The following PTPRT variants were observed in gnomAD, a reference collection of about 807,000 sequenced individuals.
PTPRT encodes receptor-type tyrosine-protein phosphatase T.
A neutral mutation model predicts 176.8 loss-of-function variants in PTPRT; 56 were observed. That is an observed-to-expected ratio of 0.32 (90% CI 0.26 to 0.40). PTPRT has a LOEUF of 0.40. Among genes scored for constraint, PTPRT ranks in the 10% least tolerant of loss-of-function variants. The probability of loss-of-function intolerance (pLI) is 1.00; values close to 1 mark genes in which losing one functional copy is unlikely to be tolerated. For missense variants in PTPRT, 1,540 were observed against 1,908.2 expected (o/e 0.81, Z 3.60); for synonymous variants, 783 against 739.0 (o/e 1.06, Z -0.96).
chr20:42,813,289 T>C (rs1371922910), intron 2 of PTPRT, among the ~76,000 whole-genome samples: 1 of 152,168 alleles, frequency 6.6e-6, no homozygotes, highest in Non-Finnish European at 1.5e-5. Context: ...CAATTGTGAA[T>C]AATTTACCTC....
chr20:42,978,930 G>C (rs1157738913), intron 1 of PTPRT, among the ~76,000 whole-genome samples: 3 of 152,154 alleles, frequency 2.0e-5, no homozygotes, highest in African/African-American at 7.2e-5. Flanking sequence ...TGTCTATGGA[G>C]TAGCCGTTCT....
intron 11 of PTPRT, among the ~76,000 whole-genome samples, chr20:42,316,380 C>G (rs1443532948): frequency 2.0e-5 from 3 of 152,174 alleles, no homozygotes; most frequent in African/African-American, 2.4e-5. Context: ...AACAGCCTTA[C>G]AGAAGTCTGT....
chr20:42,126,755 C>T (rs1311835074), intron 19 of PTPRT, among the ~76,000 whole-genome samples: 2 of 152,200 alleles, frequency 1.3e-5, no homozygotes, highest in Non-Finnish European at 2.9e-5. Flanking sequence ...CAGTATTTCC[C>T]ATACACAGTG....
chr20:43,094,091 C>CTT (rs11478226), intron 1 of PTPRT, among the ~76,000 whole-genome samples: 23 of 130,702 alleles, frequency 1.8e-4, no homozygotes, highest in African/African-American at 5.4e-4. Flanking sequence ...TTCTTTCTTT[C>CTT]TTTTTTTTTT....
intron 1 of PTPRT, among the ~76,000 whole-genome samples, chr20:42,999,965 C>A: frequency 6.6e-6 from 1 of 151,292 alleles, no homozygotes. Context: ...ATGGGATATG[C>A]CCTCAAGTCA....
In PTPRT at chr20:42,605,011, G is replaced by A. The variant is rs114403339; in HGVS notation, c.1153+72855C>T. ...CTGATATAGGCTGTGAGACTCCAAGGTCAAAGGAGGAAAAGCATCTCAGAG... is the reference window on the plus strand; with the variant it reads ...CTGATATAGGCTGTGAGACTCCAAGATCAAAGGAGGAAAAGCATCTCAGAG... On this transcript the variant is annotated intron_variant, in intron 7 of 30. Coordinates refer to ENST00000373187, the MANE Select transcript of PTPRT (RefSeq NM_007050.6). Among the ~76,000 whole-genome samples the A allele has an allele frequency of 6.3e-3, 963 of 152,308 alleles. 13 individuals carry two copies. Among genetic ancestry groups the A allele is most frequent in the African/African-American group, 0.023 (936 of 41,554 alleles).
intron 2 of PTPRT, among the ~76,000 whole-genome samples, chr20:42,877,868 C>A (rs1392450940): frequency 6.6e-6 from 1 of 152,070 alleles, no homozygotes; most frequent in Non-Finnish European, 1.5e-5. Context: ...CCAGGGAGTA[C>A]CTAAGCTAAG....
intron 11 of PTPRT, among the ~76,000 whole-genome samples, chr20:42,345,392 C>CACACACAT (rs34632070): frequency 1.2e-4 from 16 of 130,240 alleles, no homozygotes; most frequent in Admixed American, 3.2e-4. Context: ...CACACACACA[C>CACACACAT]ATATATATAT....
At chr20:42,986,802 C>G (rs937832517) in intron 1 of PTPRT, among the ~76,000 whole-genome samples, 8 of 152,170 alleles carry the variant, frequency 5.3e-5, no homozygotes, top group African/African-American at 1.4e-4. Context: ...AGCCTCCACA[C>G]CCGACTGTGA....
At chr20:42,266,127 T>C (rs1044718529) in intron 13 of PTPRT, among the ~76,000 whole-genome samples, 1 of 152,174 alleles carries the variant, frequency 6.6e-6, no homozygotes, top group Admixed American at 6.5e-5. Flanking sequence ...GGCCTGGCTG[T>C]ACAGGGACTC....
Position 42,678,037 on chromosome 20 carries a change from G to C in PTPRT, c.982C>G (p.Arg328Gly), listed in dbSNP as rs724159835. 1 of 1,614,156 alleles carries C rather than the reference G, an allele frequency of 6.2e-7. No homozygotes were observed. Among genetic ancestry groups the C allele is most frequent in the Non-Finnish European group, 8.5e-7 (1 of 1,180,046 alleles). ...GPIILKEVEY[R>G]TTTGTWAETH... ...TCTGCCCACGTGCCTGTGGTGGTGCGATATTCCACTTCCTTCAGGATGATG... is the reference window on the plus strand; with the variant it reads ...TCTGCCCACGTGCCTGTGGTGGTGCCATATTCCACTTCCTTCAGGATGATG... The change falls in exon 7 of 31, where the codon CGC becomes GGC. Residue 328 changes from arginine to glycine, a missense_variant. By Grantham distance (125) the Arg-to-Gly change is moderately radical (BLOSUM62 -2). Transcript: ENST00000373187.
Position 42,199,108 on chromosome 20 carries a change from C to G in PTPRT, c.2491+132G>C. ...AGTCTTTGTCAGGGAGAACCTTCAT[C>G]CCAGTCCATATCAGGCAAGCATCCA... On this transcript the variant is annotated intron_variant, in intron 16 of 30. Coordinates refer to ENST00000373187, the MANE Select transcript of PTPRT (RefSeq NM_007050.6). 3.7e-6 allele frequency: 4 copies of G among 1,083,084 alleles called. No individual in the cohort carries two copies. In the South Asian group the frequency reaches 8.0e-5, roughly 22 times the overall value. 67.1% of individuals were successfully genotyped at this position (1,083,084 alleles called of 1,614,324 possible). A position where few individuals can be genotyped will look rare whatever the true frequency, so the allele number is the denominator to read the frequency against.
chr20:42,889,563 A>C (rs2079157972), intron 1 of PTPRT, among the ~76,000 whole-genome samples: 1 of 152,242 alleles, frequency 6.6e-6, no homozygotes, highest in African/African-American at 2.4e-5. Flanking sequence ...TGGGGACCTT[A>C]ATGTCCCTCC....
chr20:43,084,244 C>T (rs1352470699), intron 1 of PTPRT, among the ~76,000 whole-genome samples: 1 of 152,172 alleles, frequency 6.6e-6, no homozygotes, highest in Non-Finnish European at 1.5e-5. Context: ...TGTGAGGGTT[C>T]CACTTTCTCC....
chr20:42,337,418 T>C (rs966938062), intron 11 of PTPRT, among the ~76,000 whole-genome samples: 10 of 152,210 alleles, frequency 6.6e-5, no homozygotes, highest in Non-Finnish European at 1.2e-4. Flanking sequence ...CAGTTTTCTC[T>C]ACTGAGAACA....
intron 9 of PTPRT, among the ~76,000 whole-genome samples, chr20:42,361,463 G>A (rs191885248): frequency 6.6e-6 from 1 of 152,248 alleles, no homozygotes; most frequent in Non-Finnish European, 1.5e-5. Flanking sequence ...TACAATGTAG[G>A]GGATGTGATA....
chr20:42,773,937 T>G (rs1219962995), intron 4 of PTPRT, among the ~76,000 whole-genome samples: 1 of 152,216 alleles, frequency 6.6e-6, no homozygotes, highest in Non-Finnish European at 1.5e-5. Context: ...ATGAATCTTT[T>G]CTGGATCAAT....
Position 42,816,712 on chromosome 20 carries a change from T to C in PTPRT, c.215-25246A>G, listed in dbSNP as rs550466819. Among the ~76,000 whole-genome samples the C allele has an allele frequency of 2.0e-5, 3 of 152,328 alleles. No individual in the cohort carries two copies. In the South Asian group the frequency reaches 6.2e-4, roughly 32 times the overall value. On this transcript the variant is annotated intron_variant, in intron 2 of 30. Transcript: ENST00000373187. ...GCTTCCCCCTCGCCTTCTGCCATGA[T>C]TGTAAGTTTCCTGAGGCCTCCAAGC...
chr20:42,388,071 G>A (rs2058762183), intron 9 of PTPRT, among the ~76,000 whole-genome samples: 1 of 152,126 alleles, frequency 6.6e-6, no homozygotes, highest in African/African-American at 2.4e-5. Flanking sequence ...TTACAGGCGT[G>A]AGTCACCACG....
Sources: allele counts gnomAD v4.1 joint callset (sites outside exome capture counted in the v4.1 genomes callset), GRCh38; gene constraint gnomAD v4.1.1; transcripts MANE v1.5; gene names NCBI Gene and HGNC (gene_info 2026-07-23, HGNC 2026-07-21).